The following ABR variants were observed in gnomAD, a reference collection of about 807,000 sequenced individuals.
ABR encodes ABR activator of RhoGEF and GTPase.
In ABR, 35 loss-of-function variants were observed where a neutral mutation model predicts 107.2. That is an observed-to-expected ratio of 0.33 (90% confidence interval 0.25 to 0.43). The LOEUF is 0.43. Among genes scored for constraint, ABR ranks in the 20% least tolerant of loss-of-function variants. The pLI is 1.00. For missense variants in ABR, 815 were observed against 1,115.2 expected, an observed-to-expected ratio of 0.73 and a Z score of 3.83; for synonymous variants, 498 against 462.0, an observed-to-expected ratio of 1.08 and a Z score of -1.00.
At chr17:1,081,067 G>A (rs1386645511) in intron 5 of ABR, among the ~76,000 whole-genome samples, 4 of 152,126 alleles carry the variant, frequency 2.6e-5, no homozygotes, top group African/African-American at 7.2e-5. Context: ...CCTAGGCACA[G>A]AGAACAGGCA....
chr17:1,081,873 G>A (rs575318736), intron 5 of ABR, among the ~76,000 whole-genome samples: 63 of 152,294 alleles, frequency 4.1e-4, no homozygotes, highest in Non-Finnish European at 7.8e-4. Context: ...CGCCACGCCC[G>A]GCTTCTATAG....
chr17:1,175,309 G>A (rs1303497662), intron 1 of ABR, among the ~76,000 whole-genome samples: 1 of 152,186 alleles, frequency 6.6e-6, no homozygotes, highest in East Asian at 1.9e-4. Flanking sequence ...CTACTCAGGA[G>A]GCTGAGGCAG....
chr17:1,110,524 T>G (rs75135614), intron 2 of ABR, among the ~76,000 whole-genome samples: 2,316 of 152,294 alleles, frequency 0.015, 56 homozygotes, highest in African/African-American at 0.053. Flanking sequence ...CTCCTGATTT[T>G]AAAACGATGG....
At position 1,172,148 on chromosome 17, in the gene ABR, G is replaced by T. The variant is rs577584866; in HGVS notation, c.61+7519C>A. The stretch of plus-strand genomic sequence containing the variant: ...GCCTGGACAAAAAACTGGGCGAGAG[G>T]CCCCAGTCAGGTCTCGACCCGGGGA... On this transcript the variant is annotated intron_variant, in intron 1 of 22. Transcript: ENST00000302538. 9.2e-4 allele frequency among the ~76,000 whole-genome samples: 140 copies of T among 152,314 alleles called. 1 individual carries two copies. The highest frequency in any genetic ancestry group is 3.1e-3 in the African/African-American group (128 of 41,578).
chr17:1,036,738 C>T (rs950335430), intron 16 of ABR, among the ~76,000 whole-genome samples: 1 of 152,100 alleles, frequency 6.6e-6, no homozygotes, highest in Non-Finnish European at 1.5e-5. Flanking sequence ...CTCGGTGGCT[C>T]TGTGGTCACT....
intron 1 of ABR, among the ~76,000 whole-genome samples, chr17:1,138,876 G>C (rs541446955): frequency 6.6e-6 from 1 of 152,318 alleles, no homozygotes; most frequent in East Asian, 1.9e-4. Context: ...GTTTATTTTA[G>C]GTATGCACTA....
intron 1 of ABR, among the ~76,000 whole-genome samples, chr17:1,133,449 G>A (rs1290933033): frequency 6.6e-6 from 1 of 152,132 alleles, no homozygotes; most frequent in East Asian, 1.9e-4. Flanking sequence ...TATGAGACTG[G>A]TTGAGTCAAT....
At chr17:1,091,589 C>T in intron 4 of ABR, 76 bp downstream of exon 4, 4 of 1,519,530 alleles carry the variant, frequency 2.6e-6, no homozygotes, top group Non-Finnish European at 3.6e-6. Context: ...CTGCCCGGTC[C>T]TCTCCTGAGG....
intron 22 of ABR, 98 bp downstream of exon 22, chr17:1,007,067 C>T (rs2070092550): frequency 1.3e-5 from 1 of 76,238 alleles, no homozygotes; most frequent in Non-Finnish European, 2.4e-5. Context: ...CGTCACCCTC[C>T]GCCAGCCACG....
In ABR at chr17:1,179,523, G is replaced by T; in HGVS notation, c.61+144C>A. ...CGACCCCGATCCGGACCCCGATCTC[G>T]CCCCCGCCCGCGCTCCCCGGACCAG... On this transcript the variant is annotated intron_variant, in intron 1 of 22. Transcript: ENST00000302538. The surrounding 1 kb of genome is among the most constrained non-coding windows in gnomAD (Gnocchi z 4.9). 2 of 825,420 alleles carry T rather than the reference G, an allele frequency of 2.4e-6. No individual in the cohort carries two copies. Among genetic ancestry groups the T allele is most frequent in the East Asian group, 3.5e-5 (1 of 28,910 alleles). The allele number at this position is 825,420 out of a possible 1,614,324, so 51.1% of individuals were successfully genotyped here.
At chr17:1,093,838 TC>T (rs2037204005) in intron 3 of ABR, among the ~76,000 whole-genome samples, 1 of 152,088 alleles carries the variant, frequency 6.6e-6, no homozygotes, top group African/African-American at 2.4e-5. Flanking sequence ...CTGGAAGAAG[TC>T]GTCTCATCTA....
intron 6 of ABR, among the ~76,000 whole-genome samples, chr17:1,075,454 G>C (rs1027360689): frequency 6.6e-6 from 1 of 152,246 alleles, no homozygotes; most frequent in Admixed American, 6.5e-5. Flanking sequence ...CCCCGTGCGC[G>C]GCTAAGCAGA....
At chr17:1,219,127 C>G (rs1377083982) in intron 1 of ABR, among the ~76,000 whole-genome samples, 2 of 152,252 alleles carry the variant, frequency 1.3e-5, no homozygotes, top group East Asian at 3.9e-4. Context: ...ACTGCAACCT[C>G]TGCCTCCTGG....
intron 2 of ABR, among the ~76,000 whole-genome samples, chr17:1,113,978 GC>G (rs2038861464): frequency 6.6e-6 from 1 of 151,958 alleles, no homozygotes; most frequent in South Asian, 2.1e-4. Context: ...GACCAGCTGG[GC>G]AACATGGCAA....
At chr17:1,229,328 G>T (rs1242437363) in exon 1 of ABR, among the ~76,000 whole-genome samples, 2 of 148,112 alleles carry the variant, frequency 1.4e-5, no homozygotes, top group Non-Finnish European at 3.0e-5. Context: ...CGGCGGGCAG[G>T]TCCCCGCGGG....
chr17:1,144,437 G>C (rs1003546074), intron 1 of ABR, among the ~76,000 whole-genome samples: 9 of 152,118 alleles, frequency 5.9e-5, no homozygotes, highest in African/African-American at 2.2e-4. Flanking sequence ...CCCGCGTCCA[G>C]ACCTAATCTC....
rs369765819 is a variant in ABR at position 1,018,885 on chromosome 17, G to A, written c.1792-5721C>T. 1.1e-4 allele frequency among the ~76,000 whole-genome samples: 16 copies of A among 152,208 alleles called. No individual in the cohort carries two copies. In the East Asian group the frequency reaches 1.7e-3, roughly 16 times the overall value. On this transcript the variant is annotated intron_variant, in intron 16 of 22. Coordinates refer to ENST00000302538, the MANE Select transcript of ABR (RefSeq NM_021962.5). Reference sequence around the variant, plus strand: ...CTCTCATAGCCGCTCCCATCTCACAGATGAGGATGCTGCAGCTTAACGAGA... The same window carrying A: ...CTCTCATAGCCGCTCCCATCTCACAAATGAGGATGCTGCAGCTTAACGAGA...
At chr17:1,089,734 C>T (rs9909771) in intron 4 of ABR, among the ~76,000 whole-genome samples, 4,361 of 152,180 alleles carry the variant, frequency 0.029, 207 homozygotes, top group African/African-American at 0.099. Context: ...CCGAGGCGGG[C>T]GGATCACCTG....
chr17:1,182,639 T>C (rs1262035260), upstream of ABR, among the ~76,000 whole-genome samples: 1 of 152,190 alleles, frequency 6.6e-6, no homozygotes, highest in African/African-American at 2.4e-5. Flanking sequence ...GTGCTGGGAT[T>C]ACAGGCGTGA....
Sources: allele counts gnomAD v4.1 joint callset (sites outside exome capture counted in the v4.1 genomes callset), GRCh38; gene constraint gnomAD v4.1.1; non-coding constraint Gnocchi (gnomAD v3.1); transcripts MANE v1.5; gene names NCBI Gene and HGNC (gene_info 2026-07-23, HGNC 2026-07-21).